RTL4: variants seen among roughly 807,000 people sequenced by gnomAD.
The protein encoded by RTL4 is retrotransposon Gag-like protein 4.
RTL4 carries 4 observed loss-of-function variants against 5.3 expected under a neutral mutation model. That is an observed-to-expected ratio of 0.75 (90% CI 0.37 to 1.72). The LOEUF is 1.72. RTL4 is among the 40% of genes most tolerant of loss of function. The pLI is 0.04. For synonymous variants in RTL4, 98 were observed against 87.3 expected (o/e 1.12, Z -0.68); for missense variants, 260 against 227.1 (o/e 1.14, Z -0.93).
chrX:112,230,356 C>A, the RTL4 span, among the ~76,000 whole-genome samples: 2 of 112,323 alleles, frequency 1.8e-5, no homozygotes, highest in Non-Finnish European at 3.8e-5. Context: ...TCCTGGTGTG[C>A]CGTTTGTTAA....
the RTL4 span, among the ~76,000 whole-genome samples, chrX:112,110,414 G>A: frequency 1.8e-5 from 2 of 111,650 alleles, no homozygotes; most frequent in African/African-American, 3.3e-5. Flanking sequence ...GGCTATTCTG[G>A]TTCCTGTAGC....
At chrX:112,327,372 G>A in the RTL4 span, among the ~76,000 whole-genome samples, 1 of 112,127 alleles carries the variant, frequency 8.9e-6, no homozygotes, top group Admixed American at 9.5e-5. Flanking sequence ...GAAGCTTCAG[G>A]ACCTGATGCG....
the RTL4 span, among the ~76,000 whole-genome samples, chrX:112,134,841 A>G: frequency 2.7e-5 from 3 of 111,704 alleles, no homozygotes; most frequent in Non-Finnish European, 3.8e-5. Context: ...TCTTAACTCA[A>G]TGTAATTATT....
chrX:112,434,829 A>T, the RTL4 span, among the ~76,000 whole-genome samples: 1 of 111,431 alleles, frequency 9.0e-6, no homozygotes, highest in African/African-American at 3.3e-5. Context: ...TGGGTATATT[A>T]GTCTGTTCTC....
At chrX:112,152,131 C>A in the RTL4 span, among the ~76,000 whole-genome samples, 2 of 111,291 alleles carry the variant, frequency 1.8e-5, no homozygotes, top group East Asian at 5.7e-4. Context: ...CAGACTAGGC[C>A]TAGGAGGAAC....
the RTL4 span, among the ~76,000 whole-genome samples, chrX:112,370,475 G>A: frequency 9.0e-6 from 1 of 111,722 alleles, no homozygotes; most frequent in African/African-American, 3.2e-5. Flanking sequence ...GTTAATTCCA[G>A]CCAAATAAGA....
the RTL4 span, among the ~76,000 whole-genome samples, chrX:112,246,579 A>G: frequency 8.9e-6 from 1 of 111,826 alleles, no homozygotes; most frequent in Non-Finnish European, 1.9e-5. Context: ...TTGGAAAAGC[A>G]CAGTATTTAG....
the RTL4 span, among the ~76,000 whole-genome samples, chrX:112,420,346 C>T: frequency 2.7e-5 from 3 of 111,402 alleles, no homozygotes; most frequent in African/African-American, 9.8e-5. Context: ...AGCAGCCCCT[C>T]CTTCTAACTC....
chrX:112,096,572 T>C, the RTL4 span, among the ~76,000 whole-genome samples: 506 of 111,581 alleles, frequency 4.5e-3, 2 homozygotes, highest in African/African-American at 0.015. Context: ...GCTATATTGA[T>C]AGTGACATTA....
the RTL4 span, among the ~76,000 whole-genome samples, chrX:112,300,980 G>A: frequency 0.24 from 26,228 of 110,646 alleles, 2,504 homozygotes; most frequent in Admixed American, 0.34. Context: ...GAGGGGGACT[G>A]AGCCAAGGGA....
the RTL4 span, among the ~76,000 whole-genome samples, chrX:112,194,850 G>T: frequency 8.9e-6 from 1 of 112,061 alleles, no homozygotes; most frequent in Non-Finnish European, 1.9e-5. Flanking sequence ...AATATACTAA[G>T]TTTAGAATGA....
the RTL4 span, among the ~76,000 whole-genome samples, chrX:112,417,400 TA>T: frequency 8.9e-6 from 1 of 111,778 alleles, no homozygotes; most frequent in African/African-American, 3.3e-5. Flanking sequence ...CAAAAAAACT[TA>T]GAGAGTTTCC....
chrX:112,448,674 G>A, the RTL4 span, among the ~76,000 whole-genome samples: 6 of 111,205 alleles, frequency 5.4e-5, no homozygotes, highest in Admixed American at 4.8e-4. Context: ...GGAGAGACTC[G>A]TCCCATCCCC....
chrX:112,087,730 T>G, the RTL4 span, among the ~76,000 whole-genome samples: 1 of 111,338 alleles, frequency 9.0e-6, no homozygotes, highest in Admixed American at 9.5e-5. Flanking sequence ...TTAGGTTACA[T>G]GGACTTTGGT....
chrX:112,326,713 A>G, the RTL4 span, among the ~76,000 whole-genome samples: 11 of 112,075 alleles, frequency 9.8e-5, no homozygotes, highest in Non-Finnish European at 1.3e-4. Context: ...GGGCACAGAC[A>G]AACAAAAAGA....
At chrX:112,371,815 T>G in the RTL4 span, among the ~76,000 whole-genome samples, 1 of 111,954 alleles carries the variant, frequency 8.9e-6, no homozygotes, top group African/African-American at 3.2e-5. Context: ...GCATGAAATA[T>G]TTAGATCCTA....
At chrX:112,157,025 T>C in the RTL4 span, among the ~76,000 whole-genome samples, 1 of 109,248 alleles carries the variant, frequency 9.2e-6, no homozygotes, top group Admixed American at 9.9e-5. Context: ...TAAAATTTGT[T>C]AGATGCGAGT....
chrX:112,452,946 C>A (rs962540505), upstream of RTL4, among the ~76,000 whole-genome samples: 2 of 109,965 alleles, frequency 1.8e-5, no homozygotes, highest in Non-Finnish European at 3.8e-5. Flanking sequence ...GCAGGAGAAT[C>A]GCTTGAACCC....
At chrX:112,247,603 A>G in the RTL4 span, among the ~76,000 whole-genome samples, 1 of 112,376 alleles carries the variant, frequency 8.9e-6, no homozygotes, top group East Asian at 2.8e-4. Context: ...TATCTGTATT[A>G]CAGATGAGGA....
Sources: allele counts gnomAD v4.1 joint callset (sites outside exome capture counted in the v4.1 genomes callset), GRCh38; gene constraint gnomAD v4.1.1; transcripts MANE v1.5; gene names NCBI Gene and HGNC (gene_info 2026-07-23, HGNC 2026-07-21).